Variants in CCNY observed in about 807,000 individuals in gnomAD.
The protein encoded by CCNY is cyclin Y, also known as cyclin-Y.
CCNY carries 19 observed loss-of-function variants against 42.8 expected under a neutral mutation model. The ratio of observed to expected loss-of-function variants is 0.44; its 90% CI spans 0.31 to 0.65. CCNY has a LOEUF of 0.65. Among genes scored for constraint, CCNY ranks in the 30% least tolerant of loss-of-function variants. The pLI is 0.07. For synonymous variants in CCNY, 165 were observed against 162.7 expected (o/e 1.01, Z -0.11); for missense variants, 370 against 437.3 (o/e 0.85, Z 1.37).
chr10:35,516,549 A>G lies in CCNY; in HGVS notation c.291A>G (p.Lys97=). ...NHHPPGQIAR[K]YSSCSTIFLD... ...ATCCTCCAGGACAAATAGCAAGGAA[A>G]TACAGTTCCTGCTCCACCATTTTCC... The change falls in exon 4 of 10, where the codon AAA becomes AAG. Residue 97 remains lysine, a synonymous_variant. Transcript: ENST00000374704. 6.2e-7 allele frequency: 1 copy of G among 1,613,748 alleles called. No individual in the cohort carries two copies. The highest frequency in any genetic ancestry group is 1.7e-5 in the Admixed American group (1 of 60,002).
At chr10:35,511,566 G>C (rs952677588) in intron 3 of CCNY, among the ~76,000 whole-genome samples, 8 of 152,150 alleles carry the variant, frequency 5.3e-5, no homozygotes, top group African/African-American at 7.2e-5. Context: ...AGGGAGGCAC[G>C]GACTTGGTAG....
intron 1 of CCNY, among the ~76,000 whole-genome samples, chr10:35,398,700 G>A (rs1488156647): frequency 6.6e-6 from 1 of 151,544 alleles, no homozygotes; most frequent in African/African-American, 2.4e-5. Context: ...ACTAGTTTTT[G>A]TCTAAAAACA....
intron 3 of CCNY, among the ~76,000 whole-genome samples, chr10:35,305,125 GA>G (rs1212799858): frequency 1.3e-5 from 2 of 152,340 alleles, no homozygotes; most frequent in Non-Finnish European, 2.9e-5. Flanking sequence ...GACTTGTCAG[GA>G]AAAGGTTATG....
intron 3 of CCNY, among the ~76,000 whole-genome samples, chr10:35,258,933 T>TA (rs56328003): frequency 0.36 from 48,899 of 135,564 alleles, 8,799 homozygotes; most frequent in African/African-American, 0.46. Context: ...GAGACTGTCT[T>TA]AAAAAAAAAA....
intron 3 of CCNY, among the ~76,000 whole-genome samples, chr10:35,266,106 C>T (rs955292260): frequency 2.0e-5 from 3 of 152,050 alleles, no homozygotes; most frequent in East Asian, 1.9e-4. Flanking sequence ...GAGATGGAGT[C>T]TTGCTCTGTC....
At chr10:35,498,322 T>G (rs1840042294) in intron 2 of CCNY, among the ~76,000 whole-genome samples, 1 of 152,158 alleles carries the variant, frequency 6.6e-6, no homozygotes, top group African/African-American at 2.4e-5. Context: ...TGCAGACAGC[T>G]TAGGCACAGT....
At chr10:35,500,011 A>G (rs1015162750) in intron 2 of CCNY, among the ~76,000 whole-genome samples, 4 of 152,256 alleles carry the variant, frequency 2.6e-5, no homozygotes, top group African/African-American at 9.6e-5. Context: ...TTGTTTTGCT[A>G]TGGTTTTCAT....
At chr10:35,501,425 G>A in intron 2 of CCNY, 76 bp from the exon 3 acceptor site, 1 of 1,251,622 alleles carries the variant, frequency 8.0e-7, no homozygotes, top group South Asian at 1.2e-5. Flanking sequence ...ACGACACAGA[G>A]GCCCAGTCCT....
intron 7 of CCNY, among the ~76,000 whole-genome samples, chr10:35,535,575 T>C: frequency 6.6e-6 from 1 of 152,124 alleles, no homozygotes; most frequent in East Asian, 1.9e-4. Flanking sequence ...ACAGAGTGAG[T>C]GTTGGCCCTC....
At chr10:35,528,241 C>T (rs1243690231) in intron 5 of CCNY, among the ~76,000 whole-genome samples, 1 of 152,106 alleles carries the variant, frequency 6.6e-6, no homozygotes, top group African/African-American at 2.4e-5. Context: ...TTCTTTGTAG[C>T]CCAGGTTGGT....
intron 7 of CCNY, among the ~76,000 whole-genome samples, chr10:35,544,240 G>T (rs1010994025): frequency 6.6e-6 from 1 of 152,064 alleles, no homozygotes; most frequent in Admixed American, 6.5e-5. Flanking sequence ...AGTCCTGCAG[G>T]CTCCATTTAC....
At chr10:35,394,191 A>G (rs777187198) in intron 1 of CCNY, among the ~76,000 whole-genome samples, 6 of 152,234 alleles carry the variant, frequency 3.9e-5, no homozygotes, top group Non-Finnish European at 8.8e-5. Flanking sequence ...GTAATGCCCA[A>G]GTCTTCCTCA....
At chr10:35,335,483 A>G (rs189886951), upstream of CCNY, among the ~76,000 whole-genome samples, 162 of 152,270 alleles carry the variant, frequency 1.1e-3, no homozygotes, top group African/African-American at 3.6e-3. Context: ...GCTTAAAGCA[A>G]GGTCACTATC....
intron 8 of CCNY, among the ~76,000 whole-genome samples, chr10:35,554,547 G>A (rs1841324575): frequency 6.6e-6 from 1 of 152,152 alleles, no homozygotes; most frequent in Admixed American, 6.5e-5. Context: ...ATTCTGGCCT[G>A]TTTTCTTTAT....
intron 5 of CCNY, among the ~76,000 whole-genome samples, chr10:35,529,045 C>T (rs769839419): frequency 1.3e-5 from 2 of 152,156 alleles, no homozygotes; most frequent in Non-Finnish European, 2.9e-5. Flanking sequence ...TCGTGAGGTA[C>T]GGAGGGTCCC....
intron 8 of CCNY, among the ~76,000 whole-genome samples, chr10:35,563,672 A>G (rs941880224): frequency 2.6e-5 from 4 of 152,182 alleles, no homozygotes; most frequent in African/African-American, 9.7e-5. Flanking sequence ...AAGTTGTTTT[A>G]AGTAAAAATT....
chr10:35,564,803 A>C (rs1182749913), intron 8 of CCNY, among the ~76,000 whole-genome samples: 1 of 152,166 alleles, frequency 6.6e-6, no homozygotes, highest in Non-Finnish European at 1.5e-5. Flanking sequence ...CCCTCACCTC[A>C]GTTCAGCTCT....
Position 35,504,625 on chromosome 10 carries a change from T to TTTG in CCNY, c.264+3114_264+3116dup, listed in dbSNP as rs376566765. On this transcript the variant is annotated intron_variant, in intron 3 of 9. Coordinates refer to ENST00000374704, the MANE Select transcript of CCNY (RefSeq NM_145012.6). ...TAAAGTGAACAGGTATAGGAAGGTT[T>TTTG]TTGTTGTTGTTGTTGTTGTTGTTGT... Among the ~76,000 whole-genome samples the TTTG allele has an allele frequency of 2.1e-3, 319 of 151,990 alleles. 1 individual carries two copies. Among genetic ancestry groups the TTTG allele is most frequent in the African/African-American group, 4.4e-3 (183 of 41,432 alleles).
At chr10:35,302,472 G>C (rs1214792353) in intron 3 of CCNY, among the ~76,000 whole-genome samples, 2 of 151,622 alleles carry the variant, frequency 1.3e-5, no homozygotes, top group Non-Finnish European at 2.9e-5. Flanking sequence ...CACCATGCCT[G>C]GCTAATTTTT....
Sources: gnomAD v4.1 joint callset for allele counts (sites outside exome capture counted in the v4.1 genomes callset) on GRCh38, gnomAD v4.1.1 for gene constraint, MANE v1.5 for transcripts, NCBI Gene and HGNC (gene_info 2026-07-23, HGNC 2026-07-21) for gene names.